Variants in SLC35D4 observed in about 807,000 individuals in gnomAD.
SLC35D4 encodes the protein solute carrier family 35 member D4.
the SLC35D4 span, among the ~76,000 whole-genome samples, chr18:23,243,570 A>AT: frequency 1.5e-5 from 2 of 137,210 alleles, no homozygotes; most frequent in African/African-American, 2.7e-5. Context: ...TTTACAATTC[A>AT]TTTTTTTCTC....
the SLC35D4 span, among the ~76,000 whole-genome samples, chr18:23,277,989 CACTTCT>C: frequency 3.0e-4 from 45 of 152,290 alleles, no homozygotes; most frequent in Middle Eastern, 6.8e-3. Context: ...CGGGCAGTAC[CACTTCT>C]ACTGTGTTTA....
chr18:23,428,431 A>G, the SLC35D4 span, among the ~76,000 whole-genome samples: 3 of 152,232 alleles, frequency 2.0e-5, no homozygotes, highest in Admixed American at 2.0e-4. Context: ...CTGAGTGGCA[A>G]TGTCAATTGG....
the SLC35D4 span, among the ~76,000 whole-genome samples, chr18:23,324,056 C>T: frequency 6.6e-6 from 1 of 151,196 alleles, no homozygotes; most frequent in Non-Finnish European, 1.5e-5. Flanking sequence ...GCACTCCACC[C>T]TGGGCGAGGA....
chr18:23,284,179 CCTGT>C, the SLC35D4 span, among the ~76,000 whole-genome samples: 1 of 152,224 alleles, frequency 6.6e-6, no homozygotes, highest in South Asian at 2.1e-4. Flanking sequence ...TTTACAGCAT[CCTGT>C]CTAATCAATA....
At chr18:23,332,128 C>T in the SLC35D4 span, among the ~76,000 whole-genome samples, 2 of 151,722 alleles carry the variant, frequency 1.3e-5, no homozygotes, top group Admixed American at 6.6e-5. Context: ...CTCCTGGCCT[C>T]AAGCGATCCT....
the SLC35D4 span, among the ~76,000 whole-genome samples, chr18:23,274,482 A>G: frequency 6.6e-6 from 1 of 152,222 alleles, no homozygotes; most frequent in Admixed American, 6.5e-5. Context: ...CTGGTGCCCC[A>G]CAGTGGGGAA....
chr18:23,334,838 A>T, the SLC35D4 span, among the ~76,000 whole-genome samples: 6,082 of 151,976 alleles, frequency 0.04, 187 homozygotes, highest in Non-Finnish European at 0.056. Flanking sequence ...CCCCATCTCT[A>T]CTAAAAAAAA....
At chr18:23,407,195 T>C in the SLC35D4 span, among the ~76,000 whole-genome samples, 1 of 152,176 alleles carries the variant, frequency 6.6e-6, no homozygotes, top group East Asian at 1.9e-4. Flanking sequence ...ATTTATCAAA[T>C]GGGGATAATA....
the SLC35D4 span, among the ~76,000 whole-genome samples, chr18:23,374,511 G>T: frequency 2.0e-4 from 30 of 148,434 alleles, no homozygotes; most frequent in African/African-American, 7.2e-4. Context: ...TTGAGATGGA[G>T]TTTCACTCTT....
At chr18:23,347,301 A>T in the SLC35D4 span, among the ~76,000 whole-genome samples, 1 of 152,198 alleles carries the variant, frequency 6.6e-6, no homozygotes, top group South Asian at 2.1e-4. Context: ...TCTGTCATAA[A>T]GTTATTCAAA....
At chr18:23,266,264 C>T in the SLC35D4 span, among the ~76,000 whole-genome samples, 1 of 152,146 alleles carries the variant, frequency 6.6e-6, no homozygotes, top group African/African-American at 2.4e-5. Context: ...CCAGCCCATG[C>T]CTGCTGGGGG....
the SLC35D4 span, chr18:23,437,789 T>C: frequency 1.9e-6 from 3 of 1,610,930 alleles, no homozygotes; most frequent in Non-Finnish European, 2.5e-6. Flanking sequence ...ACCTTGTTCG[T>C]GAGGTAAGAA....
the SLC35D4 span, among the ~76,000 whole-genome samples, chr18:23,336,375 C>T: frequency 9.9e-5 from 15 of 152,032 alleles, no homozygotes; most frequent in East Asian, 3.9e-4. Flanking sequence ...TATTGCCGAG[C>T]GAGAGTCTGC....
At chr18:23,266,894 C>A in the SLC35D4 span, among the ~76,000 whole-genome samples, 2 of 152,250 alleles carry the variant, frequency 1.3e-5, no homozygotes, top group Non-Finnish European at 1.5e-5. Flanking sequence ...GCTCCCTCGC[C>A]GAAGCTCAGG....
chr18:23,309,639 G>GT, the SLC35D4 span: 1 of 1,573,714 alleles, frequency 6.4e-7, no homozygotes, highest in Non-Finnish European at 8.7e-7. Context: ...ATGAAACTCA[G>GT]TAACTAATTG....
chr18:23,263,562 C>T, the SLC35D4 span, among the ~76,000 whole-genome samples: 3 of 152,212 alleles, frequency 2.0e-5, no homozygotes, highest in African/African-American at 7.2e-5. Context: ...CCAGTGTTCA[C>T]GTCCACCAAC....
chr18:23,290,737 C>T, the SLC35D4 span, among the ~76,000 whole-genome samples: 7 of 152,084 alleles, frequency 4.6e-5, 1 homozygote, highest in South Asian at 4.2e-4. Flanking sequence ...AGCGATTCTC[C>T]TGCCTCAGCC....
chr18:23,252,560 T>G, the SLC35D4 span, among the ~76,000 whole-genome samples: 45 of 152,208 alleles, frequency 3.0e-4, no homozygotes, highest in East Asian at 8.3e-3. Flanking sequence ...ATTTGAAGTC[T>G]CCCAAAGCCG....
At chr18:23,248,512 CTTTTTTTTTTTTTTTTTTTT>C in the SLC35D4 span, among the ~76,000 whole-genome samples, 32 of 90,728 alleles carry the variant, frequency 3.5e-4, no homozygotes, top group South Asian at 2.1e-3. Flanking sequence ...GACCCTATGT[CTTTTTTTTTTTTTTTTTTTT>C]TTTTTTAAAA....
Sources: allele counts gnomAD v4.1 joint callset (sites outside exome capture counted in the v4.1 genomes callset), GRCh38; gene constraint gnomAD v4.1.1; transcripts MANE v1.5; gene names NCBI Gene and HGNC (gene_info 2026-07-23, HGNC 2026-07-21).